Variants in CHIC1 observed in about 807,000 individuals in gnomAD.
The protein encoded by CHIC1 is cysteine rich hydrophobic domain 1, also known as cysteine-rich hydrophobic domain-containing protein 1.
A neutral mutation model predicts 18.5 loss-of-function variants in CHIC1; 7 were observed. The observed-to-expected ratio is 0.38, with a 90% CI of 0.22 to 0.71. CHIC1 has a LOEUF of 0.71. CHIC1 is among the 30% of genes least tolerant of loss of function. CHIC1 has a pLI of 0.49. For synonymous variants in CHIC1, 77 were observed against 73.5 expected (o/e 1.05, Z -0.25); for missense variants, 159 against 176.9 (o/e 0.90, Z 0.57).
At chrX:73,622,399 G>C (rs372610601) in intron 3 of CHIC1, among the ~76,000 whole-genome samples, 1 of 111,262 alleles carries the variant, frequency 9.0e-6, no homozygotes, top group East Asian at 2.8e-4. Context: ...TCAGGGATTC[G>C]ACTCCTTCCT....
At chrX:73,583,899 G>A (rs1233652833) in intron 2 of CHIC1, among the ~76,000 whole-genome samples, 1 of 111,803 alleles carries the variant, frequency 8.9e-6, no homozygotes, top group Non-Finnish European at 1.9e-5. Flanking sequence ...GTAACTAACA[G>A]TGGCTAATGT....
At chrX:73,624,130 G>T (rs1037631633) in intron 3 of CHIC1, among the ~76,000 whole-genome samples, 1 of 109,225 alleles carries the variant, frequency 9.2e-6, no homozygotes, top group Non-Finnish European at 1.9e-5. Context: ...CTCAGGTGGG[G>T]GTGGGGAAAT....
intron 3 of CHIC1, among the ~76,000 whole-genome samples, chrX:73,586,681 G>T (rs1006843695): frequency 9.0e-6 from 1 of 111,174 alleles, no homozygotes; most frequent in African/African-American, 3.3e-5. Context: ...GAATCACATG[G>T]CAAATAGCAC....
At chrX:73,645,076 C>T (rs1330960622) in intron 3 of CHIC1, among the ~76,000 whole-genome samples, 1 of 112,368 alleles carries the variant, frequency 8.9e-6, no homozygotes, top group African/African-American at 3.2e-5. Context: ...ACGCTGGGAG[C>T]TGTAGACCAG....
intron 3 of CHIC1, among the ~76,000 whole-genome samples, chrX:73,673,453 A>T (rs2058043047): frequency 1.8e-5 from 2 of 111,643 alleles, no homozygotes; most frequent in African/African-American, 6.5e-5. Context: ...CTCCTTGAAG[A>T]GGTCCTTCAC....
chrX:73,627,639 C>A (rs1171504518), intron 3 of CHIC1, among the ~76,000 whole-genome samples: 2 of 111,654 alleles, frequency 1.8e-5, no homozygotes, highest in African/African-American at 6.5e-5. Flanking sequence ...TTCCTTCAGC[C>A]CCAAGGGCTC....
intron 3 of CHIC1, among the ~76,000 whole-genome samples, chrX:73,642,205 G>T (rs1247710718): frequency 1.8e-5 from 2 of 110,900 alleles, no homozygotes; most frequent in Non-Finnish European, 3.8e-5. Context: ...TTTAATGATT[G>T]CCATTCTAAC....
At chrX:73,670,251 C>A (rs1259616140) in intron 3 of CHIC1, among the ~76,000 whole-genome samples, 1 of 111,483 alleles carries the variant, frequency 9.0e-6, no homozygotes, top group Non-Finnish European at 1.9e-5. Context: ...TCTAATCAGT[C>A]CCAACGTGAG....
intron 2 of CHIC1, among the ~76,000 whole-genome samples, chrX:73,577,954 C>G (rs918782566): frequency 9.1e-6 from 1 of 109,382 alleles, no homozygotes; most frequent in Non-Finnish European, 1.9e-5. Flanking sequence ...TCCCTGGTTC[C>G]TCTACATTGA....
In CHIC1 at chrX:73,572,136, A is replaced by G. The variant is rs559909320; in HGVS notation, c.297-5271A>G. ...CTTCTTCCCCCTTCATGTAGTCCAC[A>G]GTGTCTATTATTCCCATCTTTATGT... On this transcript the variant is annotated intron_variant, in intron 1 of 5. Coordinates refer to ENST00000373502, the MANE Select transcript of CHIC1 (RefSeq NM_001039840.4). 1.2e-4 allele frequency among the ~76,000 whole-genome samples: 13 copies of G among 111,134 alleles called. No homozygotes were observed. The South Asian group carries it at 4.9e-3, about 42-fold the overall frequency.
chrX:73,579,505 C>G (rs942059895), intron 2 of CHIC1, among the ~76,000 whole-genome samples: 2 of 110,469 alleles, frequency 1.8e-5, no homozygotes, highest in Non-Finnish European at 3.8e-5. Flanking sequence ...TAAGAGAATA[C>G]ATTATTATTC....
At chrX:73,615,105 G>A (rs2057726404) in intron 3 of CHIC1, among the ~76,000 whole-genome samples, 1 of 111,596 alleles carries the variant, frequency 9.0e-6, no homozygotes. Context: ...TTGATGTATA[G>A]TCTAGTCTTC....
chrX:73,648,401 G>A, intron 3 of CHIC1, among the ~76,000 whole-genome samples: 1 of 111,802 alleles, frequency 8.9e-6, no homozygotes, highest in Non-Finnish European at 1.9e-5. Flanking sequence ...TCAGAAGATG[G>A]GTAATAACAA....
intron 1 of CHIC1, among the ~76,000 whole-genome samples, chrX:73,568,188 C>T (rs2057454234): frequency 9.0e-6 from 1 of 111,697 alleles, no homozygotes; most frequent in African/African-American, 3.3e-5. Flanking sequence ...CCAGTATCAC[C>T]AGTGATGGCG....
intron 3 of CHIC1, among the ~76,000 whole-genome samples, chrX:73,677,762 G>A (rs1209171201): frequency 8.9e-6 from 1 of 111,876 alleles, no homozygotes; most frequent in Non-Finnish European, 1.9e-5. Context: ...CTACTTTCTG[G>A]CCCTCCCCAG....
At chrX:73,644,959 C>T (rs1043547323) in intron 3 of CHIC1, among the ~76,000 whole-genome samples, 9 of 112,412 alleles carry the variant, frequency 8.0e-5, no homozygotes, top group Admixed American at 1.9e-4. Context: ...GACTCACACC[C>T]GGTGCGCTGC....
intron 3 of CHIC1, among the ~76,000 whole-genome samples, chrX:73,663,462 A>C (rs2057990429): frequency 9.1e-6 from 1 of 110,466 alleles, no homozygotes; most frequent in Non-Finnish European, 1.9e-5. Context: ...AAAGATTAAC[A>C]GGGATGAGCA....
At chrX:73,631,153 T>G (rs748301550) in intron 3 of CHIC1, among the ~76,000 whole-genome samples, 2 of 111,777 alleles carry the variant, frequency 1.8e-5, no homozygotes, top group African/African-American at 6.5e-5. Flanking sequence ...TTGGTTAAGC[T>G]AGCAAAAGGT....
At chrX:73,590,761 G>T (rs779111134) in intron 3 of CHIC1, among the ~76,000 whole-genome samples, 18 of 111,340 alleles carry the variant, frequency 1.6e-4, no homozygotes, top group South Asian at 3.7e-4. Flanking sequence ...TGCATTTAAG[G>T]TTCCTCCATG....
Sources: gnomAD v4.1 joint callset for allele counts (sites outside exome capture counted in the v4.1 genomes callset) on GRCh38, gnomAD v4.1.1 for gene constraint, MANE v1.5 for transcripts, NCBI Gene and HGNC (gene_info 2026-07-23, HGNC 2026-07-21) for gene names.